UBE2E2: variants seen among roughly 807,000 people sequenced by gnomAD.
The protein encoded by UBE2E2 is ubiquitin-conjugating enzyme E2 E2.
In UBE2E2, 6 loss-of-function variants were observed where a neutral mutation model predicts 24.7. The observed-to-expected ratio is 0.24, with a 90% CI of 0.13 to 0.48. UBE2E2 has a LOEUF of 0.48. Ranked by LOEUF, UBE2E2 falls within the 20% of genes least tolerant of loss-of-function variation. The pLI, the probability that UBE2E2 is intolerant of heterozygous loss-of-function variation, is 0.99. For missense variants in UBE2E2, 169 were observed against 245.0 expected, an observed-to-expected ratio of 0.69 and a Z score of 2.07; for synonymous variants, 104 against 83.6, an observed-to-expected ratio of 1.24 and a Z score of -1.33.
Position 23,208,781 on chromosome 3 carries a change from C to G in UBE2E2, c.82C>G (p.Gln28Glu), listed in dbSNP as rs1411725596. ...SSDGDQRESVQQEPEREQVQP... is the reference protein window; with the variant it reads ...SSDGDQRESVEQEPEREQVQP... ...CGATGGAGATCAACGTGAAAGTGTTCAGCAAGAACCAGAAAGAGAACAAGT... is the reference window on the plus strand; with the variant it reads ...CGATGGAGATCAACGTGAAAGTGTTGAGCAAGAACCAGAAAGAGAACAAGT... Residue 28 changes from glutamine (Q) to glutamate (E), a missense_variant, in exon 2 of 6, where the codon CAG becomes GAG. This residue lies in a region of UBE2E2 where 64 missense variants were observed against 64.3 expected (regional missense o/e 1.00). Coordinates refer to ENST00000396703, the MANE Select transcript of UBE2E2 (RefSeq NM_152653.4). The G allele has an allele frequency of 1.9e-6, 3 of 1,613,670 alleles. No individual in the cohort carries two copies. Among genetic ancestry groups the G allele is most frequent in the Non-Finnish European group, 2.5e-6 (3 of 1,179,786 alleles).
chr3:23,511,727 G>T (rs963438070), intron 4 of UBE2E2, among the ~76,000 whole-genome samples: 14 of 152,284 alleles, frequency 9.2e-5, no homozygotes, highest in African/African-American at 3.4e-4. Context: ...AGTTCTCACT[G>T]TTTGGGGATT....
chr3:23,255,965 ACT>A (rs1421842477), intron 3 of UBE2E2, among the ~76,000 whole-genome samples: 1 of 152,154 alleles, frequency 6.6e-6, no homozygotes, highest in Non-Finnish European at 1.5e-5. Context: ...ACACGGCAAG[ACT>A]CTGCCTCTAA....
At chr3:23,546,826 G>GA (rs1221632559) in intron 5 of UBE2E2, among the ~76,000 whole-genome samples, 3 of 152,040 alleles carry the variant, frequency 2.0e-5, no homozygotes, top group Non-Finnish European at 2.9e-5. Flanking sequence ...TGAAGATAAT[G>GA]AAAAGATAAA....
At chr3:23,291,069 T>TAAAAA (rs35305944) in intron 3 of UBE2E2, among the ~76,000 whole-genome samples, 3 of 125,512 alleles carry the variant, frequency 2.4e-5, no homozygotes, top group Non-Finnish European at 3.3e-5. Context: ...ACCCTGTCTT[T>TAAAAA]AAAAAAAAAA....
intron 5 of UBE2E2, among the ~76,000 whole-genome samples, chr3:23,537,688 CT>C (rs1353104154): frequency 2.0e-5 from 3 of 151,958 alleles, no homozygotes; most frequent in African/African-American, 7.3e-5. Context: ...ACTTAAGGCC[CT>C]TTTTTTAAGC....
At chr3:23,265,426 G>A (rs1026603294) in intron 3 of UBE2E2, among the ~76,000 whole-genome samples, 1 of 152,164 alleles carries the variant, frequency 6.6e-6, no homozygotes, top group Non-Finnish European at 1.5e-5. Flanking sequence ...AGACTGGAGA[G>A]GTGACTGGGA....
intron 3 of UBE2E2, among the ~76,000 whole-genome samples, chr3:23,405,848 T>A (rs1434352592): frequency 1.3e-5 from 2 of 152,232 alleles, no homozygotes; most frequent in Non-Finnish European, 2.9e-5. Flanking sequence ...GATACCCTTT[T>A]ATCTCCAGTG....
At chr3:23,211,490 A>G (rs1339562979) in intron 2 of UBE2E2, among the ~76,000 whole-genome samples, 1 of 148,416 alleles carries the variant, frequency 6.7e-6, no homozygotes, top group Non-Finnish European at 1.5e-5. Context: ...TCCTGGGCTC[A>G]TTCAGTCCTC....
chr3:23,419,907 C>T (rs748308313), intron 3 of UBE2E2, among the ~76,000 whole-genome samples: 1 of 152,166 alleles, frequency 6.6e-6, no homozygotes, highest in Non-Finnish European at 1.5e-5. Flanking sequence ...GTCCAAGGGT[C>T]TTCTGCCTCT....
At chr3:23,266,461 A>G (rs985472561) in intron 3 of UBE2E2, among the ~76,000 whole-genome samples, 2 of 152,092 alleles carry the variant, frequency 1.3e-5, no homozygotes. Context: ...AGAATGTTGA[A>G]TATTGGCCCC....
chr3:23,355,420 A>C (rs1243971679), intron 3 of UBE2E2, among the ~76,000 whole-genome samples: 1 of 152,160 alleles, frequency 6.6e-6, no homozygotes, highest in African/African-American at 2.4e-5. Flanking sequence ...CTTATATCCA[A>C]ATGCCAACTT....
intron 3 of UBE2E2, among the ~76,000 whole-genome samples, chr3:23,352,719 C>A (rs1009339671): frequency 6.6e-5 from 10 of 152,038 alleles, no homozygotes; most frequent in South Asian, 2.1e-4. Flanking sequence ...CAATAACAGG[C>A]TCTGAAATTG....
intron 3 of UBE2E2, among the ~76,000 whole-genome samples, chr3:23,319,125 G>A (rs987226930): frequency 3.3e-5 from 5 of 152,140 alleles, no homozygotes; most frequent in Non-Finnish European, 5.9e-5. Context: ...ATTTAAAACC[G>A]TAAGCCAAAT....
intron 4 of UBE2E2, among the ~76,000 whole-genome samples, chr3:23,502,681 G>A (rs1264056912): frequency 6.6e-6 from 1 of 152,072 alleles, no homozygotes; most frequent in Non-Finnish European, 1.5e-5. Flanking sequence ...TTCTAATAAG[G>A]CGAGCAAAAC....
intron 3 of UBE2E2, among the ~76,000 whole-genome samples, chr3:23,258,900 G>GAAAAAAAAAAAAAAAAAAAAAA (rs11333992): frequency 1.3e-5 from 1 of 78,904 alleles, no homozygotes; most frequent in Non-Finnish European, 2.4e-5. Flanking sequence ...CTCAAAAAAA[G>GAAAAAAAAAAAAAAAAAAAAAA]AAAAAAAAAA....
chr3:23,332,100 C>A (rs141527995), intron 3 of UBE2E2, among the ~76,000 whole-genome samples: 84 of 151,950 alleles, frequency 5.5e-4, no homozygotes, highest in African/African-American at 1.9e-3. Context: ...TGTATTAATG[C>A]TATTGCTGTA....
intron 3 of UBE2E2, among the ~76,000 whole-genome samples, chr3:23,478,750 A>C (rs1408499062): frequency 6.6e-6 from 1 of 152,120 alleles, no homozygotes; most frequent in Non-Finnish European, 1.5e-5. Context: ...AGATTACAAA[A>C]AATTAAGAGG....
At chr3:23,459,621 T>C (rs550557552) in intron 3 of UBE2E2, among the ~76,000 whole-genome samples, 19 of 152,230 alleles carry the variant, frequency 1.2e-4, no homozygotes, top group Non-Finnish European at 2.6e-4. Flanking sequence ...CCAGGACCTC[T>C]GTAATAACCT....
intron 4 of UBE2E2, among the ~76,000 whole-genome samples, chr3:23,511,237 C>T (rs983893087): frequency 6.6e-6 from 1 of 152,220 alleles, no homozygotes; most frequent in Non-Finnish European, 1.5e-5. Context: ...CAATAGCAAT[C>T]TCCCCTGTCC....
Sources: gnomAD v4.1 joint callset for allele counts (sites outside exome capture counted in the v4.1 genomes callset) on GRCh38, gnomAD v4.1.1 for gene constraint, gnomAD v4.1.1 regional missense constraint, MANE v1.5 for transcripts, NCBI Gene and HGNC (gene_info 2026-07-23, HGNC 2026-07-21) for gene names.